The following SMKR1 variants were observed in gnomAD, a reference collection of about 807,000 sequenced individuals.
SMKR1 encodes small lysine rich protein 1.
SMKR1 carries 4 observed loss-of-function variants against 4.0 expected under a neutral mutation model. The ratio of observed to expected loss-of-function variants is 1.00; its 90% confidence interval spans 0.49 to 2.30. The LOEUF is 2.30. SMKR1 is among the 30% of genes most tolerant of loss of function. The pLI, the probability that SMKR1 is intolerant of heterozygous loss-of-function variation, is 0.02. For missense variants in SMKR1, 56 were observed against 81.8 expected (o/e 0.68, Z 1.22); for synonymous variants, 38 against 32.5 (o/e 1.17, Z -0.58).
chr7:129,502,736 C>T lies in SMKR1; in HGVS notation c.-89C>T. On this transcript the variant is annotated 5_prime_UTR_variant, in exon 1 of 2. It adds an upstream start codon to the 5' untranslated region. Coordinates refer to ENST00000462322, the MANE Select transcript of SMKR1 (RefSeq NM_001195243.2). ...GAAGGGGCCGGGGGTGCTAGGGGAA[C>T]GGGCGCTGGGGGCAGCGGCCCCGGT... The T allele has an allele frequency of 6.6e-7, 1 of 1,525,786 alleles. No individual in the cohort carries two copies. Among genetic ancestry groups the T allele is most frequent in the African/African-American group, 1.4e-5 (1 of 71,884 alleles). The allele number at this position is 1,525,786 out of a possible 1,614,324, so 94.5% of individuals were successfully genotyped here. A position where few individuals can be genotyped will look rare whatever the true frequency, so the allele number is the denominator to read the frequency against.
chr7:129,502,857 G>A, intron 1 of SMKR1, 30 bp downstream of exon 1: 1 of 1,534,576 alleles, frequency 6.5e-7, no homozygotes, highest in South Asian at 1.2e-5. Context: ...AGTACCCGGG[G>A]CCAGGGCGCG....
At chr7:129,504,083 C>T (rs187856660) in intron 1 of SMKR1, among the ~76,000 whole-genome samples, 89 of 152,226 alleles carry the variant, frequency 5.8e-4, no homozygotes, top group Non-Finnish European at 9.6e-4. Context: ...CCGCCTTGGC[C>T]TCTCAAATTG....
At position 129,502,633 on chromosome 7, in the gene SMKR1, G is replaced by C. The variant is rs896197916; in HGVS notation, c.-192G>C. The C allele has an allele frequency of 2.6e-5, 20 of 783,680 alleles. No individual in the cohort carries two copies. The highest frequency in any genetic ancestry group is 2.1e-5 in the South Asian group (1 of 46,700). The allele number at this position is 783,680 out of a possible 1,614,324, so 48.5% of individuals were successfully genotyped here. A position where few individuals can be genotyped will look rare whatever the true frequency, so the allele number is the denominator to read the frequency against. Reference sequence around the variant, plus strand: ...TCCGCGGCTGGCTGCCTCCCGAGCCGGCCGCGCTCCTCCCAGCGAGGCGTG... The same window carrying C: ...TCCGCGGCTGGCTGCCTCCCGAGCCCGCCGCGCTCCTCCCAGCGAGGCGTG... On this transcript the variant is annotated 5_prime_UTR_variant, in exon 1 of 2. Transcript: ENST00000462322.
At position 129,502,773 on chromosome 7, in the gene SMKR1, G is replaced by T. The variant is rs531810875; in HGVS notation, c.-52G>T. 276 of 1,535,026 alleles carry T rather than the reference G, an allele frequency of 1.8e-4. 7 individuals are homozygous for T. In the African/African-American group the frequency reaches 3.4e-3, roughly 19 times the overall value. ...GCAGCGGCCCCGGTGGATGCTAAGG[G>T]CTTCGGGATCGGGAGAGTCCACCAC... On this transcript the variant is annotated 5_prime_UTR_variant, in exon 1 of 2. Coordinates refer to ENST00000462322, the MANE Select transcript of SMKR1 (RefSeq NM_001195243.2).
At chr7:129,505,868 G>T (rs964018154) in intron 1 of SMKR1, among the ~76,000 whole-genome samples, 1 of 152,178 alleles carries the variant, frequency 6.6e-6, no homozygotes. Flanking sequence ...TAGAAGGTCT[G>T]CAGGAAGAGC....
At chr7:129,506,237 C>T (rs751613153) in intron 1 of SMKR1, among the ~76,000 whole-genome samples, 6 of 152,142 alleles carry the variant, frequency 3.9e-5, no homozygotes, top group African/African-American at 9.6e-5. Flanking sequence ...CTCAGGAGTT[C>T]GAGACCTGCT....
At chr7:129,510,723 G>A (rs1344459483) in intron 1 of SMKR1, among the ~76,000 whole-genome samples, 1 of 151,518 alleles carries the variant, frequency 6.6e-6, no homozygotes, top group Admixed American at 6.6e-5. Context: ...GCAAGACCCT[G>A]TCTCCAAAAA....
chr7:129,508,403 T>G (rs1384276587), intron 1 of SMKR1, among the ~76,000 whole-genome samples: 1 of 152,228 alleles, frequency 6.6e-6, no homozygotes, highest in Non-Finnish European at 1.5e-5. Context: ...ATAATAATTC[T>G]TGAAATAAGG....
At chr7:129,504,234 T>C (rs954649156) in intron 1 of SMKR1, among the ~76,000 whole-genome samples, 9 of 152,244 alleles carry the variant, frequency 5.9e-5, no homozygotes, top group African/African-American at 2.2e-4. Flanking sequence ...TCAAACACAT[T>C]AGTGCACAGA....
chr7:129,503,888 T>C (rs1799438335), intron 1 of SMKR1, among the ~76,000 whole-genome samples: 1 of 140,692 alleles, frequency 7.1e-6, no homozygotes, highest in African/African-American at 2.7e-5. Flanking sequence ...AGTACAGTGG[T>C]GTGATCACAG....
chr7:129,512,536 C>T lies in SMKR1; in HGVS notation c.*95C>T, dbSNP rs1285560719. 13 of 1,243,048 alleles carry T rather than the reference C, an allele frequency of 1.0e-5. No homozygotes were observed. Among genetic ancestry groups the T allele is most frequent in the African/African-American group, 3.1e-5 (2 of 64,774 alleles). 77.0% of individuals were successfully genotyped at this position (1,243,048 alleles called of 1,614,324 possible). A position where few individuals can be genotyped will look rare whatever the true frequency, so the allele number is the denominator to read the frequency against. The stretch of plus-strand genomic sequence containing the variant: ...GTTGCCAGCAACATAGACTTTACTC[C>T]AGACGACTTGAGATGCAAATTAAGT... On this transcript the variant is annotated 3_prime_UTR_variant, in exon 2 of 2. Transcript: ENST00000462322.
chr7:129,512,410 C>T lies in SMKR1; in HGVS notation c.167C>T (p.Ala56Val), dbSNP rs1223595707. 6.5e-6 allele frequency: 10 copies of T among 1,535,186 alleles called. No individual in the cohort carries two copies. The Admixed American group carries it at 1.8e-4, about 27-fold the overall frequency. Residue 56 changes from alanine (A) to valine (V), a missense_variant, in exon 2 of 2, where the codon GCT (alanine) becomes GTT (valine). Physicochemically the swap from Ala to Val is moderately conservative, Grantham distance 64. Transcript: ENST00000462322. The part of the protein sequence containing the change: ...LHLRGFHWPG[A>V]PKGKKGRSK ...CTGCGAGGCTTCCATTGGCCGGGTGCTCCCAAAGGAAAGAAAGGGAGAAGC... is the reference window on the plus strand; with the variant it reads ...CTGCGAGGCTTCCATTGGCCGGGTGTTCCCAAAGGAAAGAAAGGGAGAAGC...
At position 129,502,808 on chromosome 7, in the gene SMKR1, C is replaced by T. The variant is rs1392446804; in HGVS notation, c.-17C>T. The T allele has an allele frequency of 2.6e-6, 4 of 1,535,046 alleles. No homozygotes were observed. The highest frequency in any genetic ancestry group is 3.5e-6 in the Non-Finnish European group (4 of 1,146,608). ...CGGGAGAGTCCACCACGCCTGCCTG[C>T]TCGGCTGAGAATCGCCATGGTAATC... On this transcript the variant is annotated 5_prime_UTR_variant, in exon 1 of 2. Transcript: ENST00000462322.
intron 1 of SMKR1, among the ~76,000 whole-genome samples, chr7:129,505,979 G>A (rs981221103): frequency 2.0e-5 from 3 of 152,152 alleles, no homozygotes; most frequent in Non-Finnish European, 4.4e-5. Flanking sequence ...AGGGTTTTAA[G>A]TTGGGAGCTG....
intron 1 of SMKR1, among the ~76,000 whole-genome samples, chr7:129,507,820 T>G (rs946972615): frequency 2.6e-5 from 4 of 152,232 alleles, no homozygotes; most frequent in Admixed American, 1.3e-4. Context: ...ATATCTTTTT[T>G]GGGGAAGGGT....
In SMKR1 at chr7:129,512,318, C is replaced by T. The variant is rs1430323655; in HGVS notation, c.75C>T (p.Asp25=). The change falls in exon 2 of 2, where the codon GAC becomes GAT. Residue 25 remains aspartate, a synonymous_variant. Coordinates refer to ENST00000462322, the MANE Select transcript of SMKR1 (RefSeq NM_001195243.2). The part of the protein sequence containing the change: ...HGKKQKKPEV[D]ILSPAAMLNL... ...AGAAACAGAAGAAACCAGAAGTGGACATTCTCAGCCCCGCGGCCATGCTGA... is the reference window on the plus strand; with the variant it reads ...AGAAACAGAAGAAACCAGAAGTGGATATTCTCAGCCCCGCGGCCATGCTGA... The T allele has an allele frequency of 5.9e-6, 9 of 1,535,692 alleles. No homozygotes were observed. The highest frequency in any genetic ancestry group is 7.8e-6 in the Non-Finnish European group (9 of 1,146,800).
intron 1 of SMKR1, among the ~76,000 whole-genome samples, chr7:129,511,923 C>T (rs895675565): frequency 3.3e-5 from 5 of 152,138 alleles, no homozygotes; most frequent in African/African-American, 1.2e-4. Context: ...TGGCTCACAC[C>T]TGTAATCCCA....
Position 129,502,590 on chromosome 7 carries a change from G to C in SMKR1, c.-235G>C, listed in dbSNP as rs1233798568. The stretch of plus-strand genomic sequence containing the variant: ...TAGGTGCCGCGTGGGGCAAGCAGGT[G>C]CCTCGCGTCCAGGCGGCTCCGCGGC... On this transcript the variant is annotated 5_prime_UTR_variant, in exon 1 of 2. Coordinates refer to ENST00000462322, the MANE Select transcript of SMKR1 (RefSeq NM_001195243.2). 2 of 496,626 alleles carry C rather than the reference G, an allele frequency of 4.0e-6. No individual in the cohort carries two copies. Among genetic ancestry groups the C allele is most frequent in the Non-Finnish European group, 6.8e-6 (2 of 292,520 alleles). 30.8% of individuals were successfully genotyped at this position (496,626 alleles called of 1,614,324 possible). A position where few individuals can be genotyped will look rare whatever the true frequency, so the allele number is the denominator to read the frequency against.
At position 129,512,687 on chromosome 7, in the gene SMKR1, G is replaced by A. The variant is rs1799539641; in HGVS notation, c.*246G>A. 5.1e-6 allele frequency: 2 copies of A among 390,620 alleles called. No homozygotes were observed. Among genetic ancestry groups the A allele is most frequent in the African/African-American group, 2.1e-5 (1 of 47,978 alleles). 24.2% of individuals were successfully genotyped at this position (390,620 alleles called of 1,614,324 possible). On this transcript the variant is annotated 3_prime_UTR_variant, in exon 2 of 2. Coordinates refer to ENST00000462322, the MANE Select transcript of SMKR1 (RefSeq NM_001195243.2). ...GAAAAGCCTGAGTAATTCCTACACA[G>A]TGTGCTGAAATTAATAGAACTTTCA...
Sources: allele counts gnomAD v4.1 joint callset (sites outside exome capture counted in the v4.1 genomes callset), GRCh38; gene constraint gnomAD v4.1.1; transcripts MANE v1.5; gene names NCBI Gene and HGNC (gene_info 2026-07-23, HGNC 2026-07-21).